The following PLXNA2 variants were observed in gnomAD, a reference collection of about 807,000 sequenced individuals.
PLXNA2 encodes the protein plexin A2.
Under a neutral mutation model 193.5 loss-of-function variants are expected in PLXNA2, and 91 were observed. That is an observed-to-expected ratio of 0.47 (90% CI 0.40 to 0.56). The LOEUF is 0.56. Ranked by LOEUF, PLXNA2 falls within the 20% of genes least tolerant of loss-of-function variation. The pLI is 0.00. For synonymous variants in PLXNA2, 997 were observed against 1,027.3 expected (o/e 0.97, Z 0.56); for missense variants, 1,995 against 2,503.2 (o/e 0.80, Z 4.33).
chr1:208,114,757 G>A (rs1293040320), intron 4 of PLXNA2, among the ~76,000 whole-genome samples: 2 of 152,164 alleles, frequency 1.3e-5, no homozygotes, highest in African/African-American at 4.8e-5. Flanking sequence ...GGTTCCCTTG[G>A]GCAGAACTAT....
chr1:208,182,698 T>C (rs954156336), intron 3 of PLXNA2, among the ~76,000 whole-genome samples: 15 of 151,830 alleles, frequency 9.9e-5, no homozygotes, highest in Admixed American at 5.2e-4. Flanking sequence ...CTTTCCCCTG[T>C]AGTTCTGAGC....
rs1214531818 is a variant in PLXNA2 at position 208,100,723 on chromosome 1, A to G, written c.1608-1754T>C. On this transcript the variant is annotated intron_variant, in intron 5 of 31. Transcript: ENST00000367033. ...ATAATGCCTTGAGACAGAGAGACAGACAAGGCGCTGCAGCCAGGGCTGCCT... is the reference window on the plus strand; with the variant it reads ...ATAATGCCTTGAGACAGAGAGACAGGCAAGGCGCTGCAGCCAGGGCTGCCT... 3.3e-5 allele frequency among the ~76,000 whole-genome samples: 5 copies of G among 152,230 alleles called. No individual in the cohort carries two copies. The East Asian group carries it at 5.8e-4, about 18-fold the overall frequency.
At chr1:208,108,778 C>T (rs368636634) in intron 4 of PLXNA2, among the ~76,000 whole-genome samples, 27 of 152,292 alleles carry the variant, frequency 1.8e-4, no homozygotes, top group African/African-American at 6.0e-4. Flanking sequence ...TAGATAATCT[C>T]AATATGGTAG....
At chr1:208,062,572 T>C (rs1394939454) in intron 12 of PLXNA2, among the ~76,000 whole-genome samples, 1 of 152,214 alleles carries the variant, frequency 6.6e-6, no homozygotes, top group Admixed American at 6.5e-5. Context: ...ATCCAGGCCC[T>C]GAATGCTCTT....
At chr1:208,235,879 C>T (rs189847382) in intron 1 of PLXNA2, among the ~76,000 whole-genome samples, 9 of 152,194 alleles carry the variant, frequency 5.9e-5, no homozygotes, top group Admixed American at 2.6e-4. Flanking sequence ...CAGAGTGGGG[C>T]GGTAGACTCA....
chr1:208,154,449 T>C (rs1668873785), intron 3 of PLXNA2, among the ~76,000 whole-genome samples: 1 of 152,164 alleles, frequency 6.6e-6, no homozygotes, highest in Non-Finnish European at 1.5e-5. Flanking sequence ...CTACCTAGGA[T>C]TCATGTGCTG....
chr1:208,054,508 C>A lies in PLXNA2; in HGVS notation c.2769G>T (p.Val923=), dbSNP rs567405189. Residue 923 remains valine, a synonymous_variant, in exon 14 of 32, where the codon GTG becomes GTT. Transcript: ENST00000367033. ...QIVCEMGHAL[V]GTTSGPVRLC... is the part of the protein sequence containing the mutation. Reference sequence around the variant, plus strand: ...GGCGTACTGGCCCGGAGGTGGTTCCCACGAGGGCATGGCCCATCTCACAGA... The same window carrying A: ...GGCGTACTGGCCCGGAGGTGGTTCCAACGAGGGCATGGCCCATCTCACAGA... 1 of 1,614,236 alleles carries A rather than the reference C, an allele frequency of 6.2e-7. No individual in the cohort carries two copies. Among genetic ancestry groups the A allele is most frequent in the Middle Eastern group, 1.6e-4 (1 of 6,062 alleles).
chr1:208,128,931 G>A (rs1306898780), intron 4 of PLXNA2, among the ~76,000 whole-genome samples: 2 of 152,030 alleles, frequency 1.3e-5, no homozygotes, highest in African/African-American at 2.4e-5. Flanking sequence ...TCCTGACCTC[G>A]TGATCCACCC....
rs17011987 is a variant in PLXNA2 at position 208,123,835 on chromosome 1, G to C, written c.1506+18494C>G. On this transcript the variant is annotated intron_variant, in intron 4 of 31. Transcript: ENST00000367033. ...TCTAATCTGGATTGAAAAGGACGCGGCTAGTCATTGGACTTAGAAAACATA... is the reference window on the plus strand; with the variant it reads ...TCTAATCTGGATTGAAAAGGACGCGCCTAGTCATTGGACTTAGAAAACATA... Among the ~76,000 whole-genome samples the C allele has an allele frequency of 3.1e-3, 467 of 152,324 alleles. 11 individuals are homozygous for C. The highest frequency in any genetic ancestry group is 0.025 in the Admixed American group (389 of 15,298).
At chr1:208,234,702 T>G (rs1671799333) in intron 1 of PLXNA2, among the ~76,000 whole-genome samples, 1 of 152,082 alleles carries the variant, frequency 6.6e-6, no homozygotes, top group South Asian at 2.1e-4. Context: ...GGAGCTCTCG[T>G]GAGATGCCTG....
chr1:208,083,192 C>T (rs542934366), intron 10 of PLXNA2, among the ~76,000 whole-genome samples: 1 of 152,296 alleles, frequency 6.6e-6, no homozygotes, highest in Non-Finnish European at 1.5e-5. Context: ...CGGACACAGA[C>T]CTCATCAGCC....
chr1:208,075,458 C>T (rs1666117451), intron 12 of PLXNA2, among the ~76,000 whole-genome samples: 1 of 152,200 alleles, frequency 6.6e-6, no homozygotes, highest in Non-Finnish European at 1.5e-5. Context: ...TTTCCCATTA[C>T]TGGCTTTGTT....
intron 3 of PLXNA2, among the ~76,000 whole-genome samples, chr1:208,183,326 C>T (rs983818375): frequency 2.0e-5 from 3 of 152,208 alleles, no homozygotes; most frequent in Middle Eastern, 3.2e-3. Flanking sequence ...ACTAACATTT[C>T]ATTTCACCCT....
At chr1:208,099,691 C>T (rs148502720) in intron 5 of PLXNA2, among the ~76,000 whole-genome samples, 158 of 152,266 alleles carry the variant, frequency 1.0e-3, no homozygotes, top group Middle Eastern at 3.4e-3. Flanking sequence ...CTGTCCCAGC[C>T]TCCTGAGTAT....
chr1:208,154,742 T>C (rs1157457672), intron 3 of PLXNA2, among the ~76,000 whole-genome samples: 1 of 152,206 alleles, frequency 6.6e-6, no homozygotes, highest in Admixed American at 6.5e-5. Context: ...CCAATAGACA[T>C]TGATTGTCCA....
chr1:208,134,369 T>G (rs941441087), intron 4 of PLXNA2, among the ~76,000 whole-genome samples: 3 of 152,202 alleles, frequency 2.0e-5, no homozygotes, highest in African/African-American at 7.2e-5. Context: ...CATTGTTGCC[T>G]GCACCCACAG....
intron 4 of PLXNA2, among the ~76,000 whole-genome samples, chr1:208,130,766 TG>T (rs1668122903): frequency 1.3e-5 from 2 of 152,164 alleles, no homozygotes; most frequent in Admixed American, 1.3e-4. Context: ...ACAAACTCCC[TG>T]GCAGTTCAAA....
At chr1:208,243,165 C>A (rs1298228880) in intron 1 of PLXNA2, among the ~76,000 whole-genome samples, 1 of 152,180 alleles carries the variant, frequency 6.6e-6, no homozygotes, top group Non-Finnish European at 1.5e-5. Context: ...GGAGAGCCGG[C>A]GGCCACCAGG....
chr1:208,119,904 G>A (rs546568560), intron 4 of PLXNA2, among the ~76,000 whole-genome samples: 50 of 152,324 alleles, frequency 3.3e-4, no homozygotes, highest in Admixed American at 1.1e-3. Flanking sequence ...ATGAGCCACC[G>A]CACCTGGCCT....
Sources: gnomAD v4.1 joint callset for allele counts (sites outside exome capture counted in the v4.1 genomes callset) on GRCh38, gnomAD v4.1.1 for gene constraint, MANE v1.5 for transcripts, NCBI Gene and HGNC (gene_info 2026-07-23, HGNC 2026-07-21) for gene names.